SORBS2: variants seen among roughly 807,000 people sequenced by gnomAD.
SORBS2 encodes sorbin and SH3 domain-containing protein 2.
In SORBS2, 46 loss-of-function variants were observed where a neutral mutation model predicts 97.7. The ratio of observed to expected loss-of-function variants is 0.47; its 90% CI spans 0.37 to 0.60. The LOEUF (loss-of-function observed/expected upper bound fraction) is 0.60. SORBS2 is among the 20% of genes least tolerant of loss of function. SORBS2 has a pLI of 0.00. For synonymous variants in SORBS2, 476 were observed against 473.4 expected, an observed-to-expected ratio of 1.01 and a Z score of -0.07; for missense variants, 1,316 against 1,282.3, an observed-to-expected ratio of 1.03 and a Z score of -0.40.
intron 1 of SORBS2, among the ~76,000 whole-genome samples, chr4:185,818,212 T>C (rs4861683): frequency 0.99 from 151,274 of 152,274 alleles, 75,150 homozygotes; most frequent in Middle Eastern, 1. Context: ...GTTTTTGAGA[T>C]GGAGTCTCGC....
Position 185,639,348 on chromosome 4 carries a change from C to T in SORBS2, c.396+7320G>A, listed in dbSNP as rs569861565. On this transcript the variant is annotated intron_variant, in intron 4 of 14. Coordinates refer to ENST00000418609, the Ensembl canonical transcript of SORBS2. ...CTGGGGTAAAATCCCATCTTGGTTT[C>T]CTCGATGTTCTAATTTAGAGAAAAA... 9.8e-4 allele frequency among the ~76,000 whole-genome samples: 149 copies of T among 152,298 alleles called. No individual in the cohort carries two copies. In the Middle Eastern group the frequency reaches 0.014, roughly 14 times the overall value.
intron 12 of SORBS2, among the ~76,000 whole-genome samples, chr4:185,601,479 C>A (rs958399647): frequency 6.6e-6 from 1 of 152,214 alleles, no homozygotes; most frequent in African/African-American, 2.4e-5. Context: ...GGAAGCTTCT[C>A]TCTGAGGATG....
At chr4:185,836,431 A>G (rs1330244244) in intron 1 of SORBS2, among the ~76,000 whole-genome samples, 2 of 152,242 alleles carry the variant, frequency 1.3e-5, no homozygotes, top group East Asian at 1.9e-4. Context: ...TAGTGATTAG[A>G]AGGACAAACA....
intron 12 of SORBS2, among the ~76,000 whole-genome samples, chr4:185,602,127 A>G (rs2096276227): frequency 6.6e-6 from 1 of 151,272 alleles, no homozygotes; most frequent in Non-Finnish European, 1.5e-5. Flanking sequence ...TCTCTGCCTC[A>G]CCCTTCCGAG....
intron 2 of SORBS2, chr4:185,771,725 A>G (rs1338653593): frequency 6.6e-6 from 1 of 152,230 alleles, no homozygotes; most frequent in African/African-American, 2.4e-5. Context: ...ATCTATATCT[A>G]TGTATCTCAC....
In SORBS2 at chr4:185,768,095, C is replaced by G. The variant is rs144475996; in HGVS notation, c.-198+7132G>C. Among the ~76,000 whole-genome samples, 508 of 152,304 alleles carry G rather than the reference C, an allele frequency of 3.3e-3. 1 individual carries two copies. The highest frequency in any genetic ancestry group is 0.012 in the African/African-American group (487 of 41,564). ...CCCAGCTCCCAATTCCAGCTCTGAG[C>G]TCCTAGAGTTCTGGGGGACTTCACA... On this transcript the variant is annotated intron_variant, in intron 2 of 20. Coordinates refer to the SORBS2 transcript ENST00000284776.
chr4:185,861,188 G>A (rs2099223519), intron 1 of SORBS2, among the ~76,000 whole-genome samples: 1 of 152,104 alleles, frequency 6.6e-6, no homozygotes, highest in Non-Finnish European at 1.5e-5. Context: ...AACTCCAAAG[G>A]TAGGAGGGTA....
chr4:185,856,482 C>T lies in SORBS2; in HGVS notation c.-337-81116G>A, dbSNP rs550469390. ...CCACATTTATGACCCCACTATCTTG[C>T]CTACAGCTAAATCCTTTGTGAGCTT... On this transcript the variant is annotated intron_variant, in intron 1 of 20. Transcript: ENST00000284776. Among the ~76,000 whole-genome samples, 17 of 152,278 alleles carry T rather than the reference C, an allele frequency of 1.1e-4. No homozygotes were observed. In the Middle Eastern group the frequency reaches 0.01, roughly 91 times the overall value.
rs577335931 is a variant in SORBS2 at position 185,629,473 on chromosome 4, ATT to A, written c.446+1074_446+1075del. ...GGTAAATTAATGCTACTAGATAAATATTTGTTATTGATGTTACAATATGGCTG... is the reference window on the plus strand; with the variant it reads ...GGTAAATTAATGCTACTAGATAAATATGTTATTGATGTTACAATATGGCTG... On this transcript the variant is annotated intron_variant, in intron 5 of 14. Transcript: ENST00000418609. Among the ~76,000 whole-genome samples, 725 of 151,380 alleles carry A rather than the reference ATT, an allele frequency of 4.8e-3. 3 individuals carry two copies. The highest frequency in any genetic ancestry group is 0.017 in the African/African-American group (698 of 41,160).
At chr4:185,739,283 C>T (rs2098707808) in intron 2 of SORBS2, among the ~76,000 whole-genome samples, 1 of 152,100 alleles carries the variant, frequency 6.6e-6, no homozygotes, top group Non-Finnish European at 1.5e-5. Flanking sequence ...CAAAACAAAA[C>T]ACAGGCTTGA....
chr4:185,720,120 G>A (rs769968972), intron 2 of SORBS2, among the ~76,000 whole-genome samples: 10 of 152,206 alleles, frequency 6.6e-5, no homozygotes, highest in South Asian at 2.1e-4. Flanking sequence ...CATGTTTAGC[G>A]CTGAGAAAGA....
intron 1 of SORBS2, among the ~76,000 whole-genome samples, chr4:185,912,215 A>G (rs1424408602): frequency 6.6e-6 from 1 of 152,212 alleles, no homozygotes; most frequent in African/African-American, 2.4e-5. Flanking sequence ...CGTACAGGTG[A>G]CAAAATATAG....
chr4:185,675,569 G>A (rs2153494812), intron 4 of SORBS2, among the ~76,000 whole-genome samples: 1 of 152,224 alleles, frequency 6.6e-6, no homozygotes, highest in South Asian at 2.1e-4. Context: ...CATGACCCTG[G>A]GGGAGCAACT....
At chr4:185,629,564 G>GTTTTTT (rs397880846) in intron 5 of SORBS2, among the ~76,000 whole-genome samples, 1 of 135,722 alleles carries the variant, frequency 7.4e-6, no homozygotes, top group African/African-American at 2.8e-5. Context: ...TTTGTGATTT[G>GTTTTTT]TTTTTTTTTT....
chr4:185,734,507 G>A (rs1378060068), intron 2 of SORBS2, among the ~76,000 whole-genome samples: 2 of 152,086 alleles, frequency 1.3e-5, no homozygotes, highest in African/African-American at 2.4e-5. Context: ...CTCTTTCCTT[G>A]CCCCCTATTT....
intron 2 of SORBS2, among the ~76,000 whole-genome samples, chr4:185,708,407 G>A (rs1323816194): frequency 6.6e-6 from 1 of 152,160 alleles, no homozygotes; most frequent in Non-Finnish European, 1.5e-5. Flanking sequence ...ACCATCATCA[G>A]AACCACCCTT....
Position 185,684,946 on chromosome 4 carries a change from G to A in SORBS2, c.-197-6124C>T, listed in dbSNP as rs1192020372. On this transcript the variant is annotated intron_variant, in intron 2 of 20. Coordinates refer to the SORBS2 transcript ENST00000284776. The surrounding 1 kb of genome is among the most constrained non-coding windows in gnomAD (Gnocchi z 4.2). ...AAATGTGCCAGACATCCATGAGAAAGATGAACAGTTAGAATTAGTAATCAT... is the reference window on the plus strand; with the variant it reads ...AAATGTGCCAGACATCCATGAGAAAAATGAACAGTTAGAATTAGTAATCAT... The A allele has an allele frequency of 4.6e-6, 4 of 871,366 alleles. No homozygotes were observed. The highest frequency in any genetic ancestry group is 3.1e-5 in the South Asian group (2 of 63,608). The allele number at this position is 871,366 out of a possible 1,614,324, so 54.0% of individuals were successfully genotyped here.
intron 2 of SORBS2, among the ~76,000 whole-genome samples, chr4:185,762,636 TA>T (rs1384719878): frequency 6.6e-6 from 1 of 152,226 alleles, no homozygotes; most frequent in Non-Finnish European, 1.5e-5. Flanking sequence ...GTAATGCCAG[TA>T]ATCTAAAAGA....
chr4:185,905,517 A>G (rs913085140), intron 1 of SORBS2, among the ~76,000 whole-genome samples: 1 of 152,250 alleles, frequency 6.6e-6, no homozygotes, highest in Non-Finnish European at 1.5e-5. Context: ...TAAAACAAAC[A>G]TAACAGTCAT....
Sources: gnomAD v4.1 joint callset for allele counts (sites outside exome capture counted in the v4.1 genomes callset) on GRCh38, gnomAD v4.1.1 for gene constraint, Gnocchi (gnomAD v3.1) non-coding constraint, MANE v1.5 for transcripts, NCBI Gene and HGNC (gene_info 2026-07-23, HGNC 2026-07-21) for gene names.